Variants in RORA observed in about 807,000 individuals in gnomAD.
RORA encodes nuclear receptor ROR-alpha.
RORA carries 7 observed loss-of-function variants against 69.5 expected under a neutral mutation model. The observed-to-expected ratio is 0.10, with a 90% CI of 0.06 to 0.19. The LOEUF (loss-of-function observed/expected upper bound fraction) is 0.19, where lower values mean the gene tolerates loss of function less well. RORA is among the 10% of genes least tolerant of loss of function. The pLI, the probability that RORA is intolerant of heterozygous loss-of-function variation, is 1.00. For missense variants in RORA, 457 were observed against 663.0 expected (o/e 0.69, Z 3.41); for synonymous variants, 261 against 240.8 (o/e 1.08, Z -0.78).
intron 1 of RORA, among the ~76,000 whole-genome samples, chr15:61,222,639 T>C (rs750652831): frequency 3.9e-5 from 6 of 152,118 alleles, no homozygotes; most frequent in Non-Finnish European, 8.8e-5. Context: ...CACTACAATA[T>C]CAAAGATAAT....
intron 2 of RORA, among the ~76,000 whole-genome samples, chr15:60,674,596 C>G (rs2070524481): frequency 2.0e-5 from 3 of 152,188 alleles, no homozygotes; most frequent in South Asian, 2.1e-4. Flanking sequence ...CTATTGAGAA[C>G]TAAATCTTTT....
At chr15:60,753,370 A>C (rs755246962) in intron 1 of RORA, among the ~76,000 whole-genome samples, 10 of 152,232 alleles carry the variant, frequency 6.6e-5, no homozygotes, top group Non-Finnish European at 1.3e-4. Flanking sequence ...TTTATCGAAC[A>C]CCAATTCTGT....
intron 2 of RORA, among the ~76,000 whole-genome samples, chr15:60,581,719 T>A (rs2068200476): frequency 6.6e-6 from 1 of 152,230 alleles, no homozygotes; most frequent in Non-Finnish European, 1.5e-5. Context: ...CTTAAGGTGC[T>A]TACATCACAC....
At chr15:60,926,829 A>G (rs1892232789) in intron 1 of RORA, among the ~76,000 whole-genome samples, 3 of 152,220 alleles carry the variant, frequency 2.0e-5, no homozygotes, top group Admixed American at 2.0e-4. Context: ...GACTAAATAA[A>G]ACTGTCTATA....
chr15:60,628,114 T>C (rs1159491094), intron 2 of RORA, among the ~76,000 whole-genome samples: 2 of 152,216 alleles, frequency 1.3e-5, no homozygotes, highest in African/African-American at 2.4e-5. Flanking sequence ...GGAATCAACA[T>C]TGGTATGTTA....
At chr15:61,070,150 C>T (rs994830730) in intron 1 of RORA, among the ~76,000 whole-genome samples, 1 of 152,070 alleles carries the variant, frequency 6.6e-6, no homozygotes, top group Non-Finnish European at 1.5e-5. Context: ...TAGAAGAATA[C>T]ATAAAGTCCT....
intron 3 of RORA, among the ~76,000 whole-genome samples, chr15:60,516,013 ATATATATTTATATATTTATATATATT>A (rs2065887011): frequency 2.7e-4 from 5 of 18,278 alleles, no homozygotes; most frequent in Non-Finnish European, 3.1e-4. Flanking sequence ...ATATATATTT[ATATATATTTATATATTTATATATATT>A]TATATATTTA....
At chr15:60,893,984 T>C (rs1281091442) in intron 1 of RORA, among the ~76,000 whole-genome samples, 1 of 152,162 alleles carries the variant, frequency 6.6e-6, no homozygotes, top group Non-Finnish European at 1.5e-5. Flanking sequence ...CCACAGCAGC[T>C]GCCACCTCGG....
At chr15:60,859,474 CTTT>C (rs3053901) in intron 1 of RORA, among the ~76,000 whole-genome samples, 20,591 of 135,290 alleles carry the variant, frequency 0.15, 1,770 homozygotes, top group Non-Finnish European at 0.21. Context: ...TTTTCTTTGC[CTTT>C]TTTTTTTTTT....
chr15:60,998,524 A>G (rs1217508184), intron 1 of RORA, among the ~76,000 whole-genome samples: 4 of 152,004 alleles, frequency 2.6e-5, no homozygotes, highest in Non-Finnish European at 4.4e-5. Flanking sequence ...CAGCCTCCCA[A>G]GTAGCTGGGA....
At chr15:61,201,125 G>C (rs1258305123) in intron 1 of RORA, among the ~76,000 whole-genome samples, 1 of 152,074 alleles carries the variant, frequency 6.6e-6, no homozygotes, top group African/African-American at 2.4e-5. Context: ...GCATTTCTTG[G>C]AAGCTCCACA....
At chr15:60,571,927 A>G (rs1206480795) in intron 2 of RORA, among the ~76,000 whole-genome samples, 1 of 152,212 alleles carries the variant, frequency 6.6e-6, no homozygotes, top group African/African-American at 2.4e-5. Flanking sequence ...AAAAAGTACA[A>G]GATGTCAGGG....
chr15:60,500,575 G>A (rs1392765852), intron 9 of RORA, among the ~76,000 whole-genome samples: 1 of 152,158 alleles, frequency 6.6e-6, no homozygotes, highest in Non-Finnish European at 1.5e-5. Flanking sequence ...TCTAGTGGAT[G>A]ACATCTAAAT....
intron 1 of RORA, among the ~76,000 whole-genome samples, chr15:61,047,274 G>A (rs1470560870): frequency 6.6e-6 from 1 of 152,226 alleles, no homozygotes; most frequent in Non-Finnish European, 1.5e-5. Flanking sequence ...CCCTGCAGAA[G>A]CCCTTGCCAC....
chr15:60,622,544 G>A (rs1316200479), intron 2 of RORA, among the ~76,000 whole-genome samples: 1 of 151,936 alleles, frequency 6.6e-6, no homozygotes, highest in Non-Finnish European at 1.5e-5. Context: ...CCTGGGAGGT[G>A]GAGGTTGCAG....
chr15:61,068,378 C>G (rs746952331), intron 1 of RORA, among the ~76,000 whole-genome samples: 14 of 152,184 alleles, frequency 9.2e-5, no homozygotes, highest in Non-Finnish European at 1.3e-4. Context: ...ACCACTGTTT[C>G]CTCTCTTGAA....
intron 3 of RORA, among the ~76,000 whole-genome samples, chr15:60,519,179 T>C (rs1203934196): frequency 2.0e-5 from 3 of 152,186 alleles, no homozygotes; most frequent in Admixed American, 2.0e-4. Flanking sequence ...TGTAACAAAC[T>C]TCTTCCTTCA....
intron 1 of RORA, among the ~76,000 whole-genome samples, chr15:61,060,599 C>T (rs2078169936): frequency 6.6e-6 from 1 of 152,126 alleles, no homozygotes; most frequent in African/African-American, 2.4e-5. Flanking sequence ...AAACTGTGGA[C>T]CCCCTCACTG....
At chr15:60,869,298 G>A (rs905819803) in intron 1 of RORA, among the ~76,000 whole-genome samples, 24 of 152,224 alleles carry the variant, frequency 1.6e-4, no homozygotes, top group South Asian at 2.1e-4. Context: ...GGCTGATTTC[G>A]CGATTTTATA....
Sources: gnomAD v4.1 joint callset for allele counts (sites outside exome capture counted in the v4.1 genomes callset) on GRCh38, gnomAD v4.1.1 for gene constraint, MANE v1.5 for transcripts, NCBI Gene and HGNC (gene_info 2026-07-23, HGNC 2026-07-21) for gene names.